Variants in EPB41 observed in about 807,000 individuals in gnomAD.
The protein encoded by EPB41 is erythrocyte membrane protein band 4.1, also known as protein 4.1.
A neutral mutation model predicts 108.0 loss-of-function variants in EPB41; 65 were observed. The observed-to-expected ratio is 0.60, with a 90% CI of 0.49 to 0.74. The LOEUF is 0.74. Among genes scored for constraint, EPB41 ranks in the 30% least tolerant of loss-of-function variants. The probability of loss-of-function intolerance (pLI) is 0.00; values close to 1 mark genes in which losing one functional copy is unlikely to be tolerated. For synonymous variants in EPB41, 336 were observed against 358.9 expected (o/e 0.94, Z 0.72); for missense variants, 875 against 1,037.0 (o/e 0.84, Z 2.15).
At chr1:29,003,328 C>T (rs916934993) in intron 4 of EPB41, among the ~76,000 whole-genome samples, 2 of 152,188 alleles carry the variant, frequency 1.3e-5, no homozygotes, top group East Asian at 3.8e-4. Context: ...TGAAGCACAG[C>T]GTGACAGAGT....
rs139396724 is a variant in EPB41 at position 29,002,001 on chromosome 1, G to T, written c.786+4682G>T. 3.8e-3 allele frequency among the ~76,000 whole-genome samples: 574 copies of T among 152,232 alleles called. 6 individuals are homozygous for T. Among genetic ancestry groups the T allele is most frequent in the African/African-American group, 0.013 (536 of 41,522 alleles). On this transcript the variant is annotated intron_variant, in intron 4 of 20. Transcript: ENST00000343067. The stretch of plus-strand genomic sequence containing the variant: ...GTGAGACATATTGTTACACTTGAGA[G>T]ACTAGCTTTGCCACATACTAGTTGC...
chr1:29,115,166 G>A lies in EPB41; in HGVS notation c.2497-533G>A, dbSNP rs1014668566. Among the ~76,000 whole-genome samples the A allele has an allele frequency of 2.0e-5, 3 of 152,184 alleles. No homozygotes were observed. The highest frequency in any genetic ancestry group is 2.0e-4 in the Admixed American group (3 of 15,280). ...CCAGCACTTTGGGAGGCCAAGCCAG[G>A]TGGATCATTTGAGGTCAGGAGTTCG... is the stretch of plus-strand genomic sequence containing the variant. On this transcript the variant is annotated intron_variant, in intron 19 of 20. Transcript: ENST00000343067. This position sits in a 1 kb window ranked among gnomAD's most constrained non-coding sequence, Gnocchi z 4.4.
chr1:29,106,377 T>C (rs1667139184), intron 17 of EPB41, among the ~76,000 whole-genome samples: 1 of 152,218 alleles, frequency 6.6e-6, no homozygotes, highest in African/African-American at 2.4e-5. Flanking sequence ...TTTATTTGTA[T>C]AATTTCTTTG....
chr1:28,917,426 G>A (rs924471182), intron 1 of EPB41, among the ~76,000 whole-genome samples: 2 of 152,144 alleles, frequency 1.3e-5, no homozygotes, highest in Non-Finnish European at 2.9e-5. Context: ...GATTACAGGC[G>A]CTTGCCATCA....
chr1:28,946,833 A>G (rs1027078571), intron 1 of EPB41, among the ~76,000 whole-genome samples: 16 of 152,212 alleles, frequency 1.1e-4, no homozygotes, highest in African/African-American at 3.6e-4. Context: ...TGTTTGATGT[A>G]TTAAAGACAT....
intron 1 of EPB41, among the ~76,000 whole-genome samples, chr1:28,939,766 A>G (rs1417667832): frequency 3.3e-5 from 5 of 152,258 alleles, no homozygotes; most frequent in Non-Finnish European, 1.5e-5. Context: ...AAAGATCTTA[A>G]TATTTTTCTT....
Position 29,060,433 on chromosome 1 carries a change from A to G in EPB41, c.1956A>G (p.Glu652=), listed in dbSNP as rs758943317. ...TTTCATTTTCACAGAAAAAGAGAGA[A>G]AGACTAGATGGTGAAAACATTTATA... ...DLIRMRKKKR[E]RLDGENIYIR... Residue 652 remains glutamate, a synonymous_variant, in exon 15 of 21, where the codon GAA becomes GAG. Transcript: ENST00000343067. The G allele has an allele frequency of 1.2e-6, 2 of 1,612,656 alleles. No individual in the cohort carries two copies. Among genetic ancestry groups the G allele is most frequent in the Non-Finnish European group, 1.7e-6 (2 of 1,178,738 alleles).
intron 17 of EPB41, among the ~76,000 whole-genome samples, chr1:29,103,210 C>A (rs1462546882): frequency 1.3e-5 from 2 of 152,262 alleles, no homozygotes; most frequent in Admixed American, 1.3e-4. Flanking sequence ...CACCCTGCGC[C>A]CCCAAAATTT....
intron 18 of EPB41, 158 bp downstream of exon 18, chr1:29,109,595 G>A: frequency 2.9e-6 from 2 of 690,200 alleles, no homozygotes; most frequent in East Asian, 2.7e-5. Flanking sequence ...AGGCCCTGCT[G>A]CCTTCCCCAG....
At chr1:29,000,719 A>G (rs2096278052) in intron 4 of EPB41, among the ~76,000 whole-genome samples, 2 of 152,214 alleles carry the variant, frequency 1.3e-5, no homozygotes, top group South Asian at 2.1e-4. Flanking sequence ...CCAGGTTCTT[A>G]TAGGACATCC....
intron 16 of EPB41, among the ~76,000 whole-genome samples, chr1:29,078,322 TG>T (rs1654968073): frequency 6.6e-6 from 1 of 152,240 alleles, no homozygotes; most frequent in Non-Finnish European, 1.5e-5. Flanking sequence ...GCCTTTGTAC[TG>T]TTTTGGAGAA....
At chr1:28,971,965 A>G (rs1269397382) in intron 1 of EPB41, among the ~76,000 whole-genome samples, 1 of 152,032 alleles carries the variant, frequency 6.6e-6, no homozygotes, top group African/African-American at 2.4e-5. Flanking sequence ...CAGCGATCAC[A>G]GCTCACTACA....
intron 1 of EPB41, among the ~76,000 whole-genome samples, chr1:28,950,752 A>AAGG (rs778288926): frequency 6.6e-6 from 1 of 152,208 alleles, no homozygotes; most frequent in Non-Finnish European, 1.5e-5. Context: ...TTCCAACTAA[A>AAGG]AGGCCACATT....
intron 1 of EPB41, chr1:28,893,983 T>C (rs754573547): frequency 6.6e-6 from 1 of 152,196 alleles, no homozygotes; most frequent in Non-Finnish European, 1.5e-5. Context: ...TTTAGGATCC[T>C]ACCATAAGCA....
chr1:29,105,714 A>AAAGCTGCT (rs1666899128), intron 17 of EPB41, among the ~76,000 whole-genome samples: 1 of 151,558 alleles, frequency 6.6e-6, no homozygotes, highest in African/African-American at 2.4e-5. Context: ...AAATATTAAT[A>AAAGCTGCT]AAGCTGCTAT....
At chr1:29,093,738 C>G (rs1165017011) in intron 16 of EPB41, among the ~76,000 whole-genome samples, 4 of 152,136 alleles carry the variant, frequency 2.6e-5, no homozygotes. Context: ...AACTCCGTCT[C>G]TACTAAAAAC....
At chr1:28,947,891 ATTAG>A (rs1278138830) in intron 1 of EPB41, among the ~76,000 whole-genome samples, 1 of 152,182 alleles carries the variant, frequency 6.6e-6, no homozygotes, top group Non-Finnish European at 1.5e-5. Context: ...GGAATTTTAT[ATTAG>A]TTCTTGCTAA....
chr1:28,974,010 C>A (rs1389583523), intron 1 of EPB41, among the ~76,000 whole-genome samples: 1 of 152,212 alleles, frequency 6.6e-6, no homozygotes, highest in Non-Finnish European at 1.5e-5. Flanking sequence ...GAGCAGCAAT[C>A]ATTTTCCTGC....
At chr1:28,905,557 C>G (rs1557630119) in intron 1 of EPB41, among the ~76,000 whole-genome samples, 2 of 151,766 alleles carry the variant, frequency 1.3e-5, no homozygotes, top group Non-Finnish European at 2.9e-5. Context: ...AAGGACACAG[C>G]AAGAAGGTGA....
Sources: allele counts gnomAD v4.1 joint callset (sites outside exome capture counted in the v4.1 genomes callset), GRCh38; gene constraint gnomAD v4.1.1; non-coding constraint Gnocchi (gnomAD v3.1); transcripts MANE v1.5; gene names NCBI Gene and HGNC (gene_info 2026-07-23, HGNC 2026-07-21).